Variants in ESCO2 observed in about 807,000 individuals in gnomAD.
ESCO2 encodes N-acetyltransferase ESCO2.
ESCO2 carries 51 observed loss-of-function variants against 61.7 expected under a neutral mutation model. The ratio of observed to expected loss-of-function variants is 0.83; its 90% CI spans 0.66 to 1.04. The LOEUF is 1.04. ESCO2 is among the 50% of genes least tolerant of loss of function. The pLI is 0.00. For missense variants in ESCO2, 692 were observed against 686.2 expected, an observed-to-expected ratio of 1.01 and a Z score of -0.09; for synonymous variants, 230 against 238.2, an observed-to-expected ratio of 0.97 and a Z score of 0.32.
At chr8:27,806,203 A>G (rs1217571722), downstream of ESCO2, among the ~76,000 whole-genome samples, 1 of 152,194 alleles carries the variant, frequency 6.6e-6, no homozygotes. Context: ...AAAGGCATTA[A>G]ATTTGTGGGC....
At chr8:27,817,145 G>A (rs1406490805), downstream of ESCO2, among the ~76,000 whole-genome samples, 4 of 152,060 alleles carry the variant, frequency 2.6e-5, no homozygotes, top group African/African-American at 9.7e-5. Context: ...TCCAGGTAAA[G>A]GAGCTGCCAA....
intron 9 of ESCO2, among the ~76,000 whole-genome samples, chr8:27,797,516 CTG>C (rs1351865628): frequency 6.6e-6 from 1 of 152,068 alleles, no homozygotes; most frequent in African/African-American, 2.4e-5. Context: ...TTTAGCCACT[CTG>C]TGTGTCTTGA....
upstream of ESCO2, chr8:27,772,414 G>A (rs1394594228): frequency 2.5e-6 from 3 of 1,215,938 alleles, no homozygotes; most frequent in South Asian, 2.6e-5. Context: ...GCATCCAGAA[G>A]GCATTTTAGA....
At chr8:27,815,168 T>C (rs1805786177), downstream of ESCO2, among the ~76,000 whole-genome samples, 1 of 151,836 alleles carries the variant, frequency 6.6e-6, no homozygotes, top group Non-Finnish European at 1.5e-5. Flanking sequence ...GAAAAGAGGA[T>C]GAAACTAACA....
At chr8:27,783,424 C>G (rs963747437) in intron 4 of ESCO2, among the ~76,000 whole-genome samples, 8 of 151,954 alleles carry the variant, frequency 5.3e-5, no homozygotes, top group African/African-American at 1.9e-4. Flanking sequence ...TGTGGCTTAC[C>G]TTTTCATTCT....
At chr8:27,819,162 C>T in the ESCO2 span, among the ~76,000 whole-genome samples, 1 of 152,036 alleles carries the variant, frequency 6.6e-6, no homozygotes, top group Admixed American at 6.6e-5. Flanking sequence ...GTTTTCCCAG[C>T]CATGTTTGAT....
intron 2 of ESCO2, 73 bp downstream of exon 2, chr8:27,775,640 C>G (rs965962199): frequency 2.0e-6 from 3 of 1,536,630 alleles, no homozygotes; most frequent in Non-Finnish European, 2.7e-6. Flanking sequence ...CTCCTATTTT[C>G]TAAAATTTTC....
chr8:27,802,628 A>ATATGTATATATATATATATAT (rs1490078142), intron 10 of ESCO2, among the ~76,000 whole-genome samples: 3 of 60,376 alleles, frequency 5.0e-5, no homozygotes, highest in African/African-American at 7.4e-5. Flanking sequence ...AAAAAAAAAA[A>ATATGTATATATATATATATAT]AAATATATAT....
Position 27,803,351 on chromosome 8 carries a change from A to G in ESCO2, c.1719A>G (p.Ala573=), listed in dbSNP as rs1224413645. The G allele has an allele frequency of 6.2e-7, 1 of 1,614,056 alleles. No individual in the cohort carries two copies. The change falls in exon 11 of 11, where the codon GCA becomes GCG. Residue 573 remains alanine, a synonymous_variant. Transcript: ENST00000305188. ...GTTTTCTCAGCACTGATGAAATAGC[A>G]TTTTCTGACCCAACACCAGATGGCA... ...FGCFLSTDEI[A]FSDPTPDGKL... is the part of the protein sequence containing the mutation.
chr8:27,773,469 CGGTGGGGGGAGGGG>C (rs1379868036), upstream of ESCO2, among the ~76,000 whole-genome samples: 1 of 124,424 alleles, frequency 8.0e-6, no homozygotes, highest in Non-Finnish European at 1.7e-5. Flanking sequence ...TGGTGGAGGG[CGGTGGGGGGAGGGG>C]GGTTGGAATC....
upstream of ESCO2, chr8:27,772,666 G>T (rs906083773): frequency 2.3e-5 from 21 of 907,702 alleles, no homozygotes; most frequent in Non-Finnish European, 3.5e-5. Flanking sequence ...GGCGGACGTC[G>T]GGGCGCGTCA....
chr8:27,817,828 A>G, the ESCO2 span, among the ~76,000 whole-genome samples: 3 of 152,150 alleles, frequency 2.0e-5, no homozygotes, highest in African/African-American at 7.2e-5. Flanking sequence ...GCATTTAACT[A>G]TCACTGCAAG....
chr8:27,791,933 A>G, intron 7 of ESCO2, 30 bp from the exon 8 acceptor site: 2 of 1,603,352 alleles, frequency 1.2e-6, no homozygotes, highest in Non-Finnish European at 8.5e-7. Context: ...TCACAAATTA[A>G]ACTGTGACCC....
downstream of ESCO2, among the ~76,000 whole-genome samples, chr8:27,806,316 A>G (rs1302477511): frequency 2.6e-5 from 4 of 152,148 alleles, no homozygotes; most frequent in Admixed American, 6.5e-5. Context: ...AATTGTGCCA[A>G]TATATGTGTA....
intron 7 of ESCO2, 84 bp downstream of exon 7, chr8:27,789,062 C>T (rs544661254): frequency 3.5e-5 from 54 of 1,553,686 alleles, no homozygotes; most frequent in African/African-American, 6.8e-5. Context: ...ACCACCCAGC[C>T]GGAAAAGTTA....
chr8:27,784,081 G>T, intron 5 of ESCO2, 24 bp downstream of exon 5: 1 of 1,606,332 alleles, frequency 6.2e-7, no homozygotes, highest in Non-Finnish European at 8.5e-7. Context: ...TTGTTTTAAA[G>T]TCCAAGCCTT....
chr8:27,801,828 GTGTT>G (rs1358071741), intron 10 of ESCO2, among the ~76,000 whole-genome samples: 1 of 151,878 alleles, frequency 6.6e-6, no homozygotes, highest in East Asian at 1.9e-4. Context: ...ATGCATTGGT[GTGTT>G]TTTCTTAAAA....
chr8:27,775,903 A>G (rs1309373212), intron 2 of ESCO2, among the ~76,000 whole-genome samples: 1 of 152,144 alleles, frequency 6.6e-6, no homozygotes, highest in Non-Finnish European at 1.5e-5. Flanking sequence ...ATAATATTTT[A>G]CAGTGTTTTG....
intron 9 of ESCO2, among the ~76,000 whole-genome samples, chr8:27,797,023 G>A (rs1424447639): frequency 1.3e-5 from 2 of 152,144 alleles, no homozygotes; most frequent in African/African-American, 4.8e-5. Flanking sequence ...GAGGCAGGAA[G>A]ATTACTTGAG....
Sources: gnomAD v4.1 joint callset for allele counts (sites outside exome capture counted in the v4.1 genomes callset) on GRCh38, gnomAD v4.1.1 for gene constraint, MANE v1.5 for transcripts, NCBI Gene and HGNC (gene_info 2026-07-23, HGNC 2026-07-21) for gene names.